MELTF: variants seen among roughly 807,000 people sequenced by gnomAD.
MELTF encodes antigen p97 (melanoma associated) identified by monoclonal antibodies 133.2 and 96.5.
A neutral mutation model predicts 83.7 loss-of-function variants in MELTF; 67 were observed. The observed-to-expected ratio is 0.80, with a 90% CI of 0.66 to 0.98. MELTF has a LOEUF of 0.98. Among genes scored for constraint, MELTF ranks in the 50% least tolerant of loss-of-function variants. The pLI is 0.00. For missense variants in MELTF, 1,002 were observed against 1,035.6 expected, an observed-to-expected ratio of 0.97 and a Z score of 0.44; for synonymous variants, 462 against 447.6, an observed-to-expected ratio of 1.03 and a Z score of -0.41.
chr3:197,024,989 G>C lies in MELTF; in HGVS notation c.305-504C>G, dbSNP rs1378358431. On this transcript the variant is annotated intron_variant, in intron 3 of 15. Transcript: ENST00000296350. The surrounding 1 kb of genome is among the most constrained non-coding windows in gnomAD (Gnocchi z 5.3). ...TCCTGGTGCTGAGGGGGTTGAAGGA[G>C]AGTGAGACAGAGGCAGAGACAGAGA... Among the ~76,000 whole-genome samples, 1 of 152,234 alleles carries C rather than the reference G, an allele frequency of 6.6e-6. No homozygotes were observed. Among genetic ancestry groups the C allele is most frequent in the African/African-American group, 2.4e-5 (1 of 41,464 alleles).
In MELTF at chr3:197,006,576, G is replaced by A. The variant is rs143563180; in HGVS notation, c.1911C>T (p.Thr637=). Residue 637 remains threonine, a synonymous_variant, in exon 14 of 16, where the codon ACC becomes ACT. Transcript: ENST00000296350. This position sits in a 1 kb window ranked among gnomAD's most constrained non-coding sequence, Gnocchi z 5.4. Reference sequence around the variant, plus strand: ...GGGCCTTGTCCAGCAGTCCATACACGGTGAAGATGTTGGTGTCGGGCCGGA... The same window carrying A: ...GGGCCTTGTCCAGCAGTCCATACACAGTGAAGATGTTGGTGTCGGGCCGGA... ...VMVRPDTNIF[T]VYGLLDKAQD... 4.3e-5 allele frequency: 69 copies of A among 1,613,660 alleles called. No homozygotes were observed. The highest frequency in any genetic ancestry group is 5.4e-5 in the Non-Finnish European group (64 of 1,179,786).
chr3:197,016,278 T>A lies in MELTF; in HGVS notation c.992A>T (p.Glu331Val). 1 of 1,613,186 alleles carries A rather than the reference T, an allele frequency of 6.2e-7. No individual in the cohort carries two copies. Among genetic ancestry groups the A allele is most frequent in the Non-Finnish European group, 8.5e-7 (1 of 1,179,474 alleles). The change falls in exon 8 of 16, where the codon GAG becomes GTG. Residue 331 changes from glutamate to valine, a missense_variant. By Grantham distance (121) the Glu-to-Val change is moderately radical. Transcript: ENST00000296350. ...GGTCTGTGTGGCGATGGGCACAAGCTCCGAGGTAGAGTCTTTGAAGAGTAG... is the reference window on the plus strand; with the variant it reads ...GGTCTGTGTGGCGATGGGCACAAGCACCGAGGTAGAGTCTTTGAAGAGTAG... ...KDLLFKDSTSELVPIATQTYE... is the reference protein window; with the variant it reads ...KDLLFKDSTSVLVPIATQTYE...
In MELTF at chr3:197,003,795, C is replaced by T. The variant is rs1453594721; in HGVS notation, c.2137+106G>A. On this transcript the variant is annotated intron_variant, in intron 15 of 15. Coordinates refer to ENST00000296350, the MANE Select transcript of MELTF (RefSeq NM_005929.6). This position sits in a 1 kb window ranked among gnomAD's most constrained non-coding sequence, Gnocchi z 6.2. ...CCCCACCTGGACTGCTGCGAACGGG[C>T]CTCCACCCGCCTCCCCGGACCCGCA... The T allele has an allele frequency of 1.2e-5, 15 of 1,240,380 alleles. No individual in the cohort carries two copies. Among genetic ancestry groups the T allele is most frequent in the Non-Finnish European group, 1.6e-5 (14 of 890,120 alleles). 76.8% of individuals were successfully genotyped at this position (1,240,380 alleles called of 1,614,324 possible).
rs1719652664 is a variant in MELTF at position 197,022,257 on chromosome 3, G to A, written c.644+700C>T. 6.6e-6 allele frequency among the ~76,000 whole-genome samples: 1 copy of A among 152,174 alleles called. No individual in the cohort carries two copies. The highest frequency in any genetic ancestry group is 6.5e-5 in the Admixed American group (1 of 15,288). On this transcript the variant is annotated intron_variant, in intron 5 of 15. Transcript: ENST00000296350. This position sits in a 1 kb window ranked among gnomAD's most constrained non-coding sequence, Gnocchi z 5.1. ...CAGATCGGGGCGGGCGACATCAGGA[G>A]AGGGCTCTGAGGCTCCAAGAGAGCC...
intron 9 of MELTF, among the ~76,000 whole-genome samples, chr3:197,010,996 G>A (rs1719168803): frequency 1.3e-5 from 2 of 152,186 alleles, no homozygotes; most frequent in South Asian, 2.1e-4. Context: ...CAGGAGTGGT[G>A]CCTGGAGGAC....
At position 197,024,129 on chromosome 3, in the gene MELTF, G is replaced by A. The variant is rs184875479; in HGVS notation, c.487+174C>T. Among the ~76,000 whole-genome samples the A allele has an allele frequency of 5.3e-5, 8 of 150,734 alleles. No homozygotes were observed. In the East Asian group the frequency reaches 1.4e-3, roughly 26 times the overall value. ...AGCAAGCAGGAAGTCAAGCGGCGGC[G>A]CCGGCGGCAGAGTGGAGGCGGGGGA... On this transcript the variant is annotated intron_variant, in intron 4 of 15. Coordinates refer to ENST00000296350, the MANE Select transcript of MELTF (RefSeq NM_005929.6). The surrounding 1 kb of genome is among the most constrained non-coding windows in gnomAD (Gnocchi z 5.3).
chr3:197,023,256 G>A, intron 4 of MELTF, 143 bp from the exon 5 acceptor site: 1 of 863,596 alleles, frequency 1.2e-6, no homozygotes, highest in South Asian at 1.5e-5. Context: ...GAGCAAAGCT[G>A]GGGAGTGGAC....
rs879000036 is a variant in MELTF at position 197,003,800 on chromosome 3, A to C, written c.2137+101T>G. ...CCTGGACTGCTGCGAACGGGCCTCC[A>C]CCCGCCTCCCCGGACCCGCAGCGCC... On this transcript the variant is annotated intron_variant, in intron 15 of 15. Transcript: ENST00000296350. This position sits in a 1 kb window ranked among gnomAD's most constrained non-coding sequence, Gnocchi z 6.2. The C allele has an allele frequency of 7.9e-7, 1 of 1,265,322 alleles. No homozygotes were observed. 78.4% of individuals were successfully genotyped at this position (1,265,322 alleles called of 1,614,324 possible).
At chr3:197,005,965 A>T (rs537318281) in intron 14 of MELTF, among the ~76,000 whole-genome samples, 2 of 150,596 alleles carry the variant, frequency 1.3e-5, no homozygotes, top group East Asian at 3.9e-4. Flanking sequence ...TCATGCCTGT[A>T]ATCCCAGCAC....
In MELTF at chr3:197,008,289, A is replaced by T. The variant is rs904204695; in HGVS notation, c.1750+368T>A. On this transcript the variant is annotated intron_variant, in intron 13 of 15. Transcript: ENST00000296350. This position sits in a 1 kb window ranked among gnomAD's most constrained non-coding sequence, Gnocchi z 5.4. ...GCTCAGGAACACAGACCAGATACTG[A>T]TTGAACTCATGACCCTGTGGAGAGG... Among the ~76,000 whole-genome samples the T allele has an allele frequency of 6.6e-6, 1 of 152,140 alleles. No homozygotes were observed. The highest frequency in any genetic ancestry group is 1.5e-5 in the Non-Finnish European group (1 of 68,030).
Position 197,001,791 on chromosome 3 carries a change from T to G in MELTF, c.*1581A>C, listed in dbSNP as rs1435715796. 1 of 151,852 alleles carries G rather than the reference T, an allele frequency of 6.6e-6. No individual in the cohort carries two copies. Among genetic ancestry groups the G allele is most frequent in the Non-Finnish European group, 1.5e-5 (1 of 67,962 alleles). The allele number at this position is 151,852 out of a possible 1,614,324, so 9.4% of individuals were successfully genotyped here. On this transcript the variant is annotated 3_prime_UTR_variant, in exon 16 of 16. Coordinates refer to ENST00000296350, the MANE Select transcript of MELTF (RefSeq NM_005929.6). ...TGTGCTGGCTTGTTTGGCTTTATTT[T>G]AGAAACCAACCAACATGTTTCATTA...
At position 197,026,616 on chromosome 3, in the gene MELTF, T is replaced by C. The variant is rs532512608; in HGVS notation, c.304+44A>G. 3 of 1,567,864 alleles carry C rather than the reference T, an allele frequency of 1.9e-6. No homozygotes were observed. In the South Asian group the frequency reaches 3.3e-5, roughly 17 times the overall value. ...AGCAAGGGCAGCCTGGAGAGCTGAC[T>C]TCCAGCGCAGGCTGTCCTCTCTCCT... On this transcript the variant is annotated intron_variant, in intron 3 of 15. Coordinates refer to ENST00000296350, the MANE Select transcript of MELTF (RefSeq NM_005929.6).
chr3:197,024,036 G>T lies in MELTF; in HGVS notation c.487+267C>A, dbSNP rs1337372260. The T allele has an allele frequency of 7.3e-5, 46 of 633,092 alleles. No homozygotes were observed. The Middle Eastern group carries it at 9.5e-4, about 13-fold the overall frequency. 39.2% of individuals were successfully genotyped at this position (633,092 alleles called of 1,614,324 possible). ...TCACTGCTTCCCACTCATGGGCTGG[G>T]CCTGTGCCTGGCTGTGCCATGTGGG... On this transcript the variant is annotated intron_variant, in intron 4 of 15. Transcript: ENST00000296350. The surrounding 1 kb of genome is among the most constrained non-coding windows in gnomAD (Gnocchi z 5.3).
At chr3:197,020,098 A>T (rs1413047785) in intron 6 of MELTF, among the ~76,000 whole-genome samples, 1 of 152,242 alleles carries the variant, frequency 6.6e-6, no homozygotes, top group Non-Finnish European at 1.5e-5. Flanking sequence ...ATCTCAATTT[A>T]AAAAAAGAAA....
Position 197,003,465 on chromosome 3 carries a change from C to A in MELTF, c.2138-14G>T, listed in dbSNP as rs1451182795. On this transcript the variant is annotated splice_polypyrimidine_tract_variant and intron_variant, in intron 15 of 15. Transcript: ENST00000296350. This position sits in a 1 kb window ranked among gnomAD's most constrained non-coding sequence, Gnocchi z 6.2. ...GCGCCGGGGCCGCTGGGGACGAACG[C>A]GGCGGGTCAGGCCCCGAAGCCCGGG... 5 of 1,050,862 alleles carry A rather than the reference C, an allele frequency of 4.8e-6. No homozygotes were observed. The highest frequency in any genetic ancestry group is 9.3e-5 in the South Asian group (2 of 21,614). 65.1% of individuals were successfully genotyped at this position (1,050,862 alleles called of 1,614,324 possible).
intron 6 of MELTF, among the ~76,000 whole-genome samples, chr3:197,020,144 A>G (rs150678316): frequency 2.7e-3 from 409 of 152,376 alleles, no homozygotes; most frequent in Non-Finnish European, 4.2e-3. Context: ...GGGACATTCT[A>G]TAAAATAACC....
intron 14 of MELTF, among the ~76,000 whole-genome samples, chr3:197,005,836 G>GTTAA (rs1718952906): frequency 5.3e-5 from 8 of 150,608 alleles, no homozygotes; most frequent in African/African-American, 1.5e-4. Context: ...GAGAGGACTT[G>GTTAA]CTAACTCAGT....
In MELTF at chr3:197,017,179, C is replaced by A. The variant is rs775456204; in HGVS notation, c.824G>T (p.Arg275Leu). ...GACCACCACGGCGTGAGCAGGCACCCGGGCCAGATGGCACTGCCTCCACTC... is the reference window on the plus strand; with the variant it reads ...GACCACCACGGCGTGAGCAGGCACCAGGGCCAGATGGCACTGCCTCCACTC... Reference protein sequence around the residue: ...VTEWRQCHLARVPAHAVVVRA... With the variant: ...VTEWRQCHLALVPAHAVVVRA... The change falls in exon 7 of 16, where the codon CGG becomes CTG. Residue 275 changes from arginine to leucine, a missense_variant. Transcript: ENST00000296350. The A allele has an allele frequency of 1.2e-6, 2 of 1,608,554 alleles. No individual in the cohort carries two copies.
intron 8 of MELTF, among the ~76,000 whole-genome samples, chr3:197,015,921 G>C (rs907343978): frequency 1.3e-5 from 2 of 152,114 alleles, no homozygotes; most frequent in African/African-American, 2.4e-5. Flanking sequence ...GCCGTGGATG[G>C]GGGGGCGAGG....
Sources: allele counts gnomAD v4.1 joint callset (sites outside exome capture counted in the v4.1 genomes callset), GRCh38; gene constraint gnomAD v4.1.1; non-coding constraint Gnocchi (gnomAD v3.1); transcripts MANE v1.5; gene names NCBI Gene and HGNC (gene_info 2026-07-23, HGNC 2026-07-21).